SSBP2: variants seen among roughly 807,000 people sequenced by gnomAD.
The protein encoded by SSBP2 is single stranded DNA binding protein 2, also known as single-stranded DNA-binding protein 2.
Under a neutral mutation model 61.8 loss-of-function variants are expected in SSBP2, and 17 were observed. The observed-to-expected ratio is 0.28, with a 90% CI of 0.19 to 0.41. The LOEUF (loss-of-function observed/expected upper bound fraction) is 0.41, where lower values mean the gene tolerates loss of function less well. Among genes scored for constraint, SSBP2 ranks in the 10% least tolerant of loss-of-function variants. SSBP2 has a pLI of 1.00. For synonymous variants in SSBP2, 139 were observed against 141.3 expected (o/e 0.98, Z 0.12); for missense variants, 310 against 458.7 (o/e 0.68, Z 2.96).
intron 14 of SSBP2, 130 bp downstream of exon 14, chr5:81,440,428 T>A (rs1762956974): frequency 1.5e-6 from 1 of 650,448 alleles, no homozygotes; most frequent in Non-Finnish European, 2.7e-6. Flanking sequence ...ACTATCTGTA[T>A]GAGGTAAAAG....
intron 4 of SSBP2, among the ~76,000 whole-genome samples, chr5:81,523,721 C>T (rs577257118): frequency 5.3e-5 from 8 of 152,096 alleles, no homozygotes; most frequent in South Asian, 4.1e-4. Context: ...AATAAATCAG[C>T]GTTACAGCCA....
chr5:81,486,746 C>G (rs888478605), intron 6 of SSBP2, among the ~76,000 whole-genome samples: 1 of 152,178 alleles, frequency 6.6e-6, no homozygotes, highest in African/African-American at 2.4e-5. Context: ...GTGCACTTCT[C>G]TTTCCTATTT....
intron 14 of SSBP2, among the ~76,000 whole-genome samples, chr5:81,439,645 C>T (rs545943678): frequency 2.7e-5 from 4 of 147,482 alleles, no homozygotes; most frequent in Non-Finnish European, 4.5e-5. Context: ...GGATTACAGG[C>T]GCCCAGCACC....
At chr5:81,422,361 G>T (rs957802015) in intron 16 of SSBP2, among the ~76,000 whole-genome samples, 1 of 152,156 alleles carries the variant, frequency 6.6e-6, no homozygotes, top group African/African-American at 2.4e-5. Flanking sequence ...GCACAGAGGG[G>T]CAATGGCTCA....
At chr5:81,522,263 G>T (rs1769549177) in intron 4 of SSBP2, among the ~76,000 whole-genome samples, 1 of 152,014 alleles carries the variant, frequency 6.6e-6, no homozygotes, top group African/African-American at 2.4e-5. Context: ...GTGATATAAT[G>T]CCATGTGAAG....
In SSBP2 at chr5:81,730,436, G is replaced by A. The variant is rs189074939; in HGVS notation, c.62+20545C>T. Among the ~76,000 whole-genome samples the A allele has an allele frequency of 5.9e-4, 90 of 152,238 alleles. 1 individual carries two copies. The highest frequency in any genetic ancestry group is 3.1e-3 in the Admixed American group (47 of 15,288). ...GGCAGAGTTTCACCATGTTGGCCAG[G>A]CTGGTCTCGAGCTCCTGACCTCAGG... On this transcript the variant is annotated intron_variant, in intron 1 of 16. Transcript: ENST00000320672.
intron 4 of SSBP2, among the ~76,000 whole-genome samples, chr5:81,536,250 A>T (rs1770792158): frequency 6.6e-6 from 1 of 152,196 alleles, no homozygotes; most frequent in Non-Finnish European, 1.5e-5. Context: ...AAGGATATGG[A>T]GCAACAGGAA....
At chr5:81,605,751 C>A (rs1744821505) in intron 4 of SSBP2, among the ~76,000 whole-genome samples, 1 of 152,084 alleles carries the variant, frequency 6.6e-6, no homozygotes, top group South Asian at 2.1e-4. Flanking sequence ...GCAAACCAGG[C>A]AAAGCACTGA....
chr5:81,525,282 G>A (rs1769832020), intron 4 of SSBP2, among the ~76,000 whole-genome samples: 1 of 151,764 alleles, frequency 6.6e-6, no homozygotes, highest in Non-Finnish European at 1.5e-5. Context: ...CATCACTCAG[G>A]TACTAAGCCT....
chr5:81,709,792 C>A (rs560463874), intron 1 of SSBP2, among the ~76,000 whole-genome samples: 1 of 151,626 alleles, frequency 6.6e-6, no homozygotes, highest in African/African-American at 2.4e-5. Context: ...AAAAGTCCAA[C>A]GAAAATAAAT....
intron 8 of SSBP2, among the ~76,000 whole-genome samples, chr5:81,473,232 A>C: frequency 6.6e-6 from 1 of 152,156 alleles, no homozygotes; most frequent in East Asian, 1.9e-4. Context: ...CTCAGTGTTC[A>C]GTTTTATTAT....
At chr5:81,483,756 T>A (rs948340435) in intron 6 of SSBP2, among the ~76,000 whole-genome samples, 1 of 148,370 alleles carries the variant, frequency 6.7e-6, no homozygotes, top group Non-Finnish European at 1.5e-5. Context: ...CCATTTGACA[T>A]ATATATATAC....
intron 10 of SSBP2, among the ~76,000 whole-genome samples, chr5:81,452,125 G>T (rs1763818793): frequency 6.6e-6 from 1 of 152,164 alleles, no homozygotes; most frequent in Admixed American, 6.5e-5. Flanking sequence ...GTTTATTTGG[G>T]AAATGCTATG....
chr5:81,437,588 C>G (rs1190402790), intron 14 of SSBP2, 130 bp from the exon 15 acceptor site: 1 of 766,196 alleles, frequency 1.3e-6, no homozygotes, highest in East Asian at 2.9e-5. Flanking sequence ...GTTTTTAAAT[C>G]TGAAAAAATT....
chr5:81,680,348 CTT>C (rs1484151372), intron 1 of SSBP2, among the ~76,000 whole-genome samples: 2 of 147,602 alleles, frequency 1.4e-5, no homozygotes, highest in African/African-American at 2.5e-5. Context: ...TTATATATAA[CTT>C]ATAATATAAT....
At chr5:81,597,938 T>C (rs546881144) in intron 4 of SSBP2, among the ~76,000 whole-genome samples, 2 of 151,836 alleles carry the variant, frequency 1.3e-5, no homozygotes, top group Admixed American at 6.6e-5. Flanking sequence ...AGCACACCAA[T>C]ATGGCACATG....
intron 4 of SSBP2, among the ~76,000 whole-genome samples, chr5:81,575,093 C>A (rs992587762): frequency 6.6e-6 from 1 of 152,124 alleles, no homozygotes; most frequent in African/African-American, 2.4e-5. Flanking sequence ...CATGGTGAAA[C>A]CCCGTCTCTA....
intron 5 of SSBP2, among the ~76,000 whole-genome samples, chr5:81,507,030 AT>A (rs998782721): frequency 4.0e-5 from 6 of 150,816 alleles, no homozygotes; most frequent in Non-Finnish European, 7.4e-5. Flanking sequence ...ATTTCTTACT[AT>A]TTTTTTTTCT....
At chr5:81,664,018 A>G (rs1750910079) in intron 1 of SSBP2, among the ~76,000 whole-genome samples, 1 of 152,242 alleles carries the variant, frequency 6.6e-6, no homozygotes, top group Non-Finnish European at 1.5e-5. Context: ...AACAGCTTCC[A>G]AAAATGGCTC....
Sources: allele counts gnomAD v4.1 joint callset (sites outside exome capture counted in the v4.1 genomes callset), GRCh38; gene constraint gnomAD v4.1.1; transcripts MANE v1.5; gene names NCBI Gene and HGNC (gene_info 2026-07-23, HGNC 2026-07-21).